CENPK: variants seen among roughly 807,000 people sequenced by gnomAD.
The protein encoded by CENPK is SoxLZ/Sox6-binding protein Solt.
A neutral mutation model predicts 40.9 loss-of-function variants in CENPK; 46 were observed. The ratio of observed to expected loss-of-function variants is 1.13; its 90% CI spans 0.89 to 1.44. CENPK has a LOEUF of 1.44. Ranked by LOEUF, CENPK falls within the 40% of genes most tolerant of loss-of-function variation. The pLI, the probability that CENPK is intolerant of heterozygous loss-of-function variation, is 0.00. For synonymous variants in CENPK, 107 were observed against 104.4 expected, an observed-to-expected ratio of 1.02 and a Z score of -0.15; for missense variants, 288 against 303.5, an observed-to-expected ratio of 0.95 and a Z score of 0.38.
chr5:65,562,073 C>A (rs116518522), intron 1 of CENPK, among the ~76,000 whole-genome samples: 86 of 152,190 alleles, frequency 5.7e-4, no homozygotes, highest in African/African-American at 2.0e-3. Context: ...TATCGGAATT[C>A]AGGATAGGGA....
At position 65,521,497 on chromosome 5, in the gene CENPK, A is replaced by G. The variant is rs1580880398; in HGVS notation, c.629T>C (p.Ile210Thr). The change falls in exon 10 of 11, where the codon ATA becomes ACA. Residue 210 changes from isoleucine (I) to threonine (T), a missense_variant. Coordinates refer to ENST00000396679, the MANE Select transcript of CENPK (RefSeq NM_022145.5). The stretch of plus-strand genomic sequence containing the variant: ...TACCTCTAACATTTCATGCAGTGTT[A>G]TCAGGTTTACAGATGATTCTTGAAT... ...KNIQESSVNLITLHEMLEILI... is the reference protein window; with the variant it reads ...KNIQESSVNLTTLHEMLEILI... 1.2e-6 allele frequency: 2 copies of G among 1,610,126 alleles called. No homozygotes were observed. The highest frequency in any genetic ancestry group is 1.7e-6 in the Non-Finnish European group (2 of 1,177,414).
chr5:65,525,226 A>C (rs1744471818), intron 9 of CENPK, among the ~76,000 whole-genome samples: 1 of 151,966 alleles, frequency 6.6e-6, no homozygotes, highest in South Asian at 2.1e-4. Context: ...CTTAGCCAGC[A>C]TAGCAGTGCG....
At position 65,528,579 on chromosome 5, in the gene CENPK, C is replaced by G. The variant is rs1394925097; in HGVS notation, c.471-1G>C. ...TTTAGTTTTCAGTTCATTAAAGATT[C>G]TAATAGATTAAAAAAATTAAGAGAA... is the stretch of plus-strand genomic sequence containing the variant. On this transcript the variant is annotated splice_acceptor_variant, in intron 8 of 10. Coordinates refer to ENST00000396679, the MANE Select transcript of CENPK (RefSeq NM_022145.5). LOFTEE classifies it high-confidence loss of function. The G allele has an allele frequency of 1.3e-6, 2 of 1,521,498 alleles. No homozygotes were observed. The allele number at this position is 1,521,498 out of a possible 1,614,324, so 94.2% of individuals were successfully genotyped here.
intron 6 of CENPK, among the ~76,000 whole-genome samples, chr5:65,534,240 CA>C (rs1269525817): frequency 6.6e-6 from 1 of 151,944 alleles, no homozygotes; most frequent in African/African-American, 2.4e-5. Context: ...TAAATAAATA[CA>C]AAGATGATAC....
At chr5:65,532,792 C>G (rs1746078710) in intron 6 of CENPK, among the ~76,000 whole-genome samples, 1 of 150,208 alleles carries the variant, frequency 6.7e-6, no homozygotes, top group African/African-American at 2.4e-5. Context: ...GCCTGTAATC[C>G]CAGCTACTTG....
chr5:65,516,067 GC>G (rs1232146885), downstream of CENPK, among the ~76,000 whole-genome samples: 5 of 152,136 alleles, frequency 3.3e-5, no homozygotes, highest in African/African-American at 1.2e-4. Flanking sequence ...TAGTCAGGGT[GC>G]CACCTAACCT....
chr5:65,555,842 T>A (rs1750884191), intron 2 of CENPK, among the ~76,000 whole-genome samples: 1 of 152,222 alleles, frequency 6.6e-6, no homozygotes, highest in South Asian at 2.1e-4. Context: ...AAACTCAGTT[T>A]AGGATATGCT....
chr5:65,497,911 A>G, the CENPK span, among the ~76,000 whole-genome samples: 2 of 152,224 alleles, frequency 1.3e-5, no homozygotes, highest in African/African-American at 4.8e-5. Context: ...ACACATATAT[A>G]TTCAAAAGTC....
rs1053330741 is a variant in CENPK, at chr5:65,518,698, T to A, written c.652-65A>T. The A allele has an allele frequency of 9.0e-5, 94 of 1,045,590 alleles. 1 individual carries two copies. Among genetic ancestry groups the A allele is most frequent in the Non-Finnish European group, 1.3e-4 (92 of 714,904 alleles). 64.8% of individuals were successfully genotyped at this position (1,045,590 alleles called of 1,614,324 possible). A position where few individuals can be genotyped will look rare whatever the true frequency, so the allele number is the denominator to read the frequency against. ...AAAAGTCAATATAGCTATAAGAAAG[T>A]TTTTTGTCAAAGAATATTGACCTCT... On this transcript the variant is annotated intron_variant, in intron 10 of 10. Transcript: ENST00000396679.
At chr5:65,513,489 T>C (rs981511570), downstream of CENPK, among the ~76,000 whole-genome samples, 5 of 152,218 alleles carry the variant, frequency 3.3e-5, no homozygotes, top group African/African-American at 1.2e-4. Context: ...TTTTGTAGTT[T>C]TCCATATAGA....
chr5:65,529,255 G>T (rs1415439526), intron 6 of CENPK, 56 bp from the exon 7 acceptor site: 6 of 1,171,438 alleles, frequency 5.1e-6, no homozygotes, highest in Non-Finnish European at 7.5e-6. Flanking sequence ...TTTTATTTCT[G>T]AACGATAGTC....
rs767494450 is a variant in CENPK, at chr5:65,521,544, G to A, written c.598-16C>T. The A allele has an allele frequency of 3.0e-5, 46 of 1,551,092 alleles. No individual in the cohort carries two copies. The highest frequency in any genetic ancestry group is 3.9e-5 in the Non-Finnish European group (44 of 1,125,492). ...GAATGTTTTTCTTCAAGAGAAATGTGAATAACAAACAATTACCACTTCACT... is the reference window on the plus strand; with the variant it reads ...GAATGTTTTTCTTCAAGAGAAATGTAAATAACAAACAATTACCACTTCACT... On this transcript the variant is annotated splice_polypyrimidine_tract_variant and intron_variant, in intron 9 of 10. Coordinates refer to ENST00000396679, the MANE Select transcript of CENPK (RefSeq NM_022145.5).
intron 6 of CENPK, among the ~76,000 whole-genome samples, chr5:65,532,638 G>A (rs539753411): frequency 6.6e-6 from 1 of 152,066 alleles, no homozygotes; most frequent in South Asian, 2.1e-4. Flanking sequence ...ATGGGACGGT[G>A]GTGGGTCTTG....
chr5:65,537,627 A>T lies in CENPK; in HGVS notation c.288+5175T>A, dbSNP rs540967212. ...TGAATAAACTTTTTAAAAATAAATT[A>T]TCCAGTCTGTGATGCTCTGCAATAG... is the stretch of plus-strand genomic sequence containing the variant. On this transcript the variant is annotated intron_variant, in intron 6 of 10. Coordinates refer to ENST00000396679, the MANE Select transcript of CENPK (RefSeq NM_022145.5). 5.9e-5 allele frequency among the ~76,000 whole-genome samples: 9 copies of T among 152,366 alleles called. No individual in the cohort carries two copies. The South Asian group carries it at 1.9e-3, about 32-fold the overall frequency.
chr5:65,545,047 T>C (rs533914697), intron 5 of CENPK, among the ~76,000 whole-genome samples: 3 of 152,274 alleles, frequency 2.0e-5, no homozygotes, highest in Admixed American at 2.0e-4. Flanking sequence ...AAAAATTTTC[T>C]TTAAACTAAA....
chr5:65,528,385 G>A (rs1745120883), intron 9 of CENPK, 67 bp downstream of exon 9: 1 of 1,430,226 alleles, frequency 7.0e-7, no homozygotes, highest in South Asian at 1.4e-5. Flanking sequence ...AAGAAAATAT[G>A]CTTCTAAACC....
chr5:65,538,575 T>G (rs1316431546), intron 6 of CENPK, among the ~76,000 whole-genome samples: 1 of 152,230 alleles, frequency 6.6e-6, no homozygotes, highest in African/African-American at 2.4e-5. Flanking sequence ...TTTAAATATT[T>G]TCTCAGCGAA....
chr5:65,497,236 C>T, the CENPK span, among the ~76,000 whole-genome samples: 5 of 151,686 alleles, frequency 3.3e-5, no homozygotes, highest in Admixed American at 3.3e-4. Context: ...GGCATGGTGG[C>T]ACATGCTTGT....
At chr5:65,537,662 A>T (rs1369305739) in intron 6 of CENPK, among the ~76,000 whole-genome samples, 24 of 152,334 alleles carry the variant, frequency 1.6e-4, no homozygotes, top group African/African-American at 5.8e-4. Context: ...GCAGAAGAAA[A>T]CAGACTAAGA....
Sources: gnomAD v4.1 joint callset for allele counts (sites outside exome capture counted in the v4.1 genomes callset) on GRCh38, gnomAD v4.1.1 for gene constraint, MANE v1.5 for transcripts, NCBI Gene and HGNC (gene_info 2026-07-23, HGNC 2026-07-21) for gene names.